Variants in KIAA0825 observed in about 807,000 individuals in gnomAD.
The protein encoded by KIAA0825 is KIAA0825.
In KIAA0825, 119 loss-of-function variants were observed where a neutral mutation model predicts 147.6. The ratio of observed to expected loss-of-function variants is 0.81; its 90% CI spans 0.69 to 0.94. KIAA0825 has a LOEUF of 0.94. Ranked by LOEUF, KIAA0825 falls within the 40% of genes least tolerant of loss-of-function variation. The probability of loss-of-function intolerance (pLI) is 0.00; values close to 1 mark genes in which losing one functional copy is unlikely to be tolerated. For synonymous variants in KIAA0825, 470 were observed against 518.1 expected, an observed-to-expected ratio of 0.91 and a Z score of 1.26; for missense variants, 1,381 against 1,472.7, an observed-to-expected ratio of 0.94 and a Z score of 1.02.
At chr5:94,593,926 A>G in intron 1 of KIAA0825, 1 of 436,286 alleles carries the variant, frequency 2.3e-6, no homozygotes, top group Non-Finnish European at 4.6e-6. Flanking sequence ...CCAGAATTGA[A>G]GCAGTTTTAC....
intron 20 of KIAA0825, among the ~76,000 whole-genome samples, chr5:94,362,214 T>C (rs957821606): frequency 6.6e-6 from 1 of 152,192 alleles, no homozygotes; most frequent in Non-Finnish European, 1.5e-5. Context: ...CAGGGTCGGA[T>C]GAGGCCAAGG....
Position 94,473,353 on chromosome 5 carries a change from T to C in KIAA0825, c.1394A>G (p.Gln465Arg), listed in dbSNP as rs1761450817. 6.4e-7 allele frequency: 1 copy of C among 1,551,908 alleles called. No individual in the cohort carries two copies. Among genetic ancestry groups the C allele is most frequent in the Non-Finnish European group, 8.7e-7 (1 of 1,147,042 alleles). Reference sequence around the variant, plus strand: ...CATATGGCTGTCTTGCCAAACTTGCTGGACATTTACAAGGTTCATAGCATA... The same window carrying C: ...CATATGGCTGTCTTGCCAAACTTGCCGGACATTTACAAGGTTCATAGCATA... ...VSYAMNLVNV[Q>R]QVWQDSHMFP... is the part of the protein sequence containing the mutation. Residue 465 changes from glutamine (Q) to arginine (R), a missense_variant, in exon 8 of 21, where the codon CAG (glutamine) becomes CGG (arginine). Physicochemically the swap from Gln to Arg is conservative, Grantham distance 43. Coordinates refer to ENST00000682413, the MANE Select transcript of KIAA0825 (RefSeq NM_001145678.3).
chr5:94,465,313 C>T (rs1024684504), intron 10 of KIAA0825, among the ~76,000 whole-genome samples: 14 of 152,204 alleles, frequency 9.2e-5, no homozygotes, highest in Admixed American at 2.0e-4. Flanking sequence ...GATTTACCTA[C>T]GCCTAGCCTA....
intron 11 of KIAA0825, among the ~76,000 whole-genome samples, chr5:94,463,836 A>G (rs1216569170): frequency 2.0e-5 from 3 of 152,016 alleles, no homozygotes; most frequent in Non-Finnish European, 4.4e-5. Flanking sequence ...GCCATTTCAT[A>G]ATCAAAAGTG....
chr5:94,587,657 G>A (rs1445830196), intron 1 of KIAA0825, among the ~76,000 whole-genome samples: 4 of 152,110 alleles, frequency 2.6e-5, no homozygotes, highest in Non-Finnish European at 5.9e-5. Flanking sequence ...TCCCCATCAA[G>A]CTACCAATGA....
intron 3 of KIAA0825, among the ~76,000 whole-genome samples, chr5:94,534,958 T>C (rs1391090954): frequency 1.3e-5 from 2 of 152,100 alleles, no homozygotes; most frequent in East Asian, 3.8e-4. Flanking sequence ...AACTGCGTCA[T>C]AAAATACATA....
At chr5:94,164,444 C>T (rs1345718783) in intron 20 of KIAA0825, among the ~76,000 whole-genome samples, 1 of 151,466 alleles carries the variant, frequency 6.6e-6, no homozygotes, top group Non-Finnish European at 1.5e-5. Flanking sequence ...CAGAGTCTCA[C>T]TCTGTTGCCC....
In KIAA0825 at chr5:94,410,804, A is replaced by G. The variant is rs1752660508; in HGVS notation, c.2662+6397T>C. Among the ~76,000 whole-genome samples the G allele has an allele frequency of 3.9e-5, 6 of 152,300 alleles. No individual in the cohort carries two copies. The South Asian group carries it at 1.2e-3, about 32-fold the overall frequency. Reference sequence around the variant, plus strand: ...AAGGCAAAATACTTTTTGTCACGCAATCAAAAGCTAAAATAAATTAATGCC... The same window carrying G: ...AAGGCAAAATACTTTTTGTCACGCAGTCAAAAGCTAAAATAAATTAATGCC... On this transcript the variant is annotated intron_variant, in intron 15 of 20. Transcript: ENST00000682413.
At chr5:94,573,741 C>G (rs1780419729) in intron 2 of KIAA0825, among the ~76,000 whole-genome samples, 1 of 152,178 alleles carries the variant, frequency 6.6e-6, no homozygotes, top group Non-Finnish European at 1.5e-5. Context: ...TGCAGATATT[C>G]CCCCACAAAG....
At chr5:94,229,534 GTAA>G (rs1449919422) in intron 20 of KIAA0825, among the ~76,000 whole-genome samples, 1 of 149,566 alleles carries the variant, frequency 6.7e-6, no homozygotes, top group Non-Finnish European at 1.5e-5. Flanking sequence ...TAGATGTTTG[GTAA>G]TCTTCTTTCT....
chr5:94,387,765 T>C, intron 18 of KIAA0825, among the ~76,000 whole-genome samples: 1 of 150,852 alleles, frequency 6.6e-6, no homozygotes, highest in East Asian at 1.9e-4. Context: ...AATGCCACCC[T>C]CAATGGTTGG....
intron 20 of KIAA0825, among the ~76,000 whole-genome samples, chr5:94,204,123 G>A (rs1275095910): frequency 6.6e-6 from 1 of 151,892 alleles, no homozygotes; most frequent in African/African-American, 2.4e-5. Flanking sequence ...ATATGGTCAA[G>A]TCATTAGTTT....
At chr5:94,345,157 A>C (rs1782849287) in intron 20 of KIAA0825, among the ~76,000 whole-genome samples, 1 of 152,172 alleles carries the variant, frequency 6.6e-6, no homozygotes, top group African/African-American at 2.4e-5. Context: ...GATGGTGTTC[A>C]GAAAGAGCGT....
chr5:94,503,007 G>A (rs867748995), intron 5 of KIAA0825, among the ~76,000 whole-genome samples: 2 of 151,112 alleles, frequency 1.3e-5, no homozygotes, highest in Non-Finnish European at 2.9e-5. Flanking sequence ...TACTCAGGAG[G>A]CTGAGGGAGA....
chr5:94,313,680 T>C (rs569458129), intron 20 of KIAA0825, among the ~76,000 whole-genome samples: 33 of 151,482 alleles, frequency 2.2e-4, no homozygotes, highest in African/African-American at 8.0e-4. Context: ...AGTCGGCAAG[T>C]TCCTTAAATG....
intron 20 of KIAA0825, among the ~76,000 whole-genome samples, chr5:94,286,598 G>T (rs1283180353): frequency 6.6e-6 from 1 of 151,954 alleles, no homozygotes; most frequent in East Asian, 1.9e-4. Context: ...TGTCACCCAG[G>T]TTGGAGTGCA....
At chr5:94,598,841 T>C (rs1269563107) in intron 1 of KIAA0825, among the ~76,000 whole-genome samples, 1 of 152,158 alleles carries the variant, frequency 6.6e-6, no homozygotes, top group Non-Finnish European at 1.5e-5. Context: ...GGCACATGAC[T>C]GTATACCACA....
At chr5:94,600,147 T>C (rs1255870767) in intron 1 of KIAA0825, among the ~76,000 whole-genome samples, 1 of 152,160 alleles carries the variant, frequency 6.6e-6, no homozygotes, top group African/African-American at 2.4e-5. Context: ...AGGAATTGCA[T>C]TAAATCTGTA....
intron 20 of KIAA0825, among the ~76,000 whole-genome samples, chr5:94,185,420 T>G (rs1355692682): frequency 6.6e-6 from 1 of 152,236 alleles, no homozygotes; most frequent in East Asian, 1.9e-4. Flanking sequence ...TTTAAGTGCT[T>G]CTTTGACTTT....
Sources: gnomAD v4.1 joint callset for allele counts (sites outside exome capture counted in the v4.1 genomes callset) on GRCh38, gnomAD v4.1.1 for gene constraint, MANE v1.5 for transcripts, NCBI Gene and HGNC (gene_info 2026-07-23, HGNC 2026-07-21) for gene names.